The following LEMD1 variants were observed in gnomAD, a reference collection of about 807,000 sequenced individuals.
LEMD1 encodes LEM domain containing 1, also known as LEM domain-containing protein 1.
In LEMD1, 18 loss-of-function variants were observed where a neutral mutation model predicts 17.4. That is an observed-to-expected ratio of 1.04 (90% CI 0.72 to 1.54). The LOEUF (loss-of-function observed/expected upper bound fraction) is 1.54, where lower values mean the gene tolerates loss of function less well. Ranked by LOEUF, LEMD1 falls within the 40% of genes most tolerant of loss-of-function variation. The pLI is 0.00. For synonymous variants in LEMD1, 88 were observed against 77.8 expected, an observed-to-expected ratio of 1.13 and a Z score of -0.69; for missense variants, 195 against 210.4, an observed-to-expected ratio of 0.93 and a Z score of 0.45.
chr1:205,415,135 T>C (rs1665632852), intron 4 of LEMD1, among the ~76,000 whole-genome samples: 1 of 152,128 alleles, frequency 6.6e-6, no homozygotes, highest in South Asian at 2.1e-4. Context: ...ATGTGCATGG[T>C]CATTCCTGGA....
At chr1:205,409,929 C>T (rs1390423323) in intron 4 of LEMD1, among the ~76,000 whole-genome samples, 5 of 151,982 alleles carry the variant, frequency 3.3e-5, no homozygotes, top group East Asian at 3.9e-4. Context: ...TGCACCACCA[C>T]GCCCAGCTAA....
At chr1:205,440,596 C>T (rs1166122861) in intron 1 of LEMD1, 1 of 152,326 alleles carries the variant, frequency 6.6e-6, no homozygotes, top group Non-Finnish European at 1.5e-5. Context: ...CCCCGAAGCT[C>T]TCAGGGCAGG....
chr1:205,388,342 C>T (rs1664145168), intron 4 of LEMD1, among the ~76,000 whole-genome samples: 2 of 151,962 alleles, frequency 1.3e-5, no homozygotes, highest in Admixed American at 6.6e-5. Flanking sequence ...GGATTACAGG[C>T]GCGAGCCACA....
At chr1:205,413,655 A>AT (rs35717344) in intron 4 of LEMD1, among the ~76,000 whole-genome samples, 4,644 of 78,694 alleles carry the variant, frequency 0.059, 211 homozygotes, top group African/African-American at 0.17. Context: ...ATAAAATGCC[A>AT]TTTTTTTTTT....
Position 205,419,312 on chromosome 1 carries a change from C to T in LEMD1, c.123G>A (p.Leu41=), listed in dbSNP as rs1421762589. Residue 41 remains leucine, a synonymous_variant, in exon 3 of 6, where the codon TTG becomes TTA. Transcript: ENST00000367153. The part of the protein sequence containing the change: ...RKLYEKKLVQ[L]LVSPPCAPPV... ...GTGGTGCACAGGGAGGTGAGACCAA[C>T]AACTGTACTAACTTTTTTTCATACA... 1.9e-6 allele frequency: 3 copies of T among 1,614,222 alleles called. No homozygotes were observed. Among genetic ancestry groups the T allele is most frequent in the Non-Finnish European group, 2.5e-6 (3 of 1,180,010 alleles).
At chr1:205,427,340 T>G (rs575121335) in intron 1 of LEMD1, among the ~76,000 whole-genome samples, 4 of 152,076 alleles carry the variant, frequency 2.6e-5, no homozygotes, top group African/African-American at 4.8e-5. Flanking sequence ...TTCTTGCTGA[T>G]GAGGGGACAT....
At chr1:205,438,974 G>A (rs2102462329) in intron 1 of LEMD1, among the ~76,000 whole-genome samples, 1 of 152,330 alleles carries the variant, frequency 6.6e-6, no homozygotes, top group East Asian at 1.9e-4. Context: ...TCCTCCTGGT[G>A]AGCCTGTGTG....
chr1:205,405,897 C>T (rs9661128), intron 4 of LEMD1, among the ~76,000 whole-genome samples: 1 of 151,370 alleles, frequency 6.6e-6, no homozygotes, highest in South Asian at 2.1e-4. Flanking sequence ...GATGTCCTTT[C>T]TGTTTGTTAG....
At chr1:205,429,389 G>A (rs1666097030) in intron 1 of LEMD1, among the ~76,000 whole-genome samples, 1 of 152,166 alleles carries the variant, frequency 6.6e-6, no homozygotes, top group Admixed American at 6.5e-5. Flanking sequence ...CAATGTCTCA[G>A]GACATTTTGT....
chr1:205,390,700 A>T (rs1406487048), intron 4 of LEMD1, among the ~76,000 whole-genome samples: 1 of 152,264 alleles, frequency 6.6e-6, no homozygotes, highest in Non-Finnish European at 1.5e-5. Context: ...GTAACAATTT[A>T]AAATATGCTT....
At chr1:205,449,176 T>A (rs996078181) in intron 1 of LEMD1, among the ~76,000 whole-genome samples, 1 of 152,160 alleles carries the variant, frequency 6.6e-6, no homozygotes, top group African/African-American at 2.4e-5. Flanking sequence ...ACATGGGGGT[T>A]AGCACAGACA....
chr1:205,416,230 A>G lies in LEMD1; in HGVS notation c.270+2T>C. On this transcript the variant is annotated splice_donor_variant, in intron 4 of 5. Coordinates refer to ENST00000367153, the MANE Select transcript of LEMD1 (RefSeq NM_001199050.2). LOFTEE classifies it high-confidence loss of function. ...GTATTCAGGCATTAGAATGGTACAT[A>G]CTTTTTTGAGTTTCTTGCTTTTTTC... 22 of 1,529,436 alleles carry G rather than the reference A, an allele frequency of 1.4e-5. No individual in the cohort carries two copies. Among genetic ancestry groups the G allele is most frequent in the Non-Finnish European group, 1.9e-5 (21 of 1,128,142 alleles). The allele number at this position is 1,529,436 out of a possible 1,614,324, so 94.7% of individuals were successfully genotyped here.
At chr1:205,382,070 C>T in intron 5 of LEMD1, 2 of 562,866 alleles carry the variant, frequency 3.6e-6, no homozygotes, top group Non-Finnish European at 6.3e-6. Context: ...GGTACAATCA[C>T]AGCTCACTGC....
intron 1 of LEMD1, among the ~76,000 whole-genome samples, chr1:205,421,683 A>G (rs1328816350): frequency 6.6e-6 from 1 of 152,188 alleles, no homozygotes; most frequent in African/African-American, 2.4e-5. Context: ...CTCCTTTTCT[A>G]TGTGTTTGGG....
At chr1:205,387,666 G>A (rs570009829) in intron 4 of LEMD1, among the ~76,000 whole-genome samples, 1 of 152,300 alleles carries the variant, frequency 6.6e-6, no homozygotes, top group South Asian at 2.1e-4. Flanking sequence ...GGCTGTTTTA[G>A]CAAAGCATTT....
In LEMD1 at chr1:205,381,490, T is replaced by A; in HGVS notation, c.*168A>T. On this transcript the variant is annotated 3_prime_UTR_variant, in exon 6 of 6. Transcript: ENST00000367153. ...AACACAGGTGCCTGGTTAGGCAGGT[T>A]CCTTCCACCTGGCTGAGCCCAGACA... 1.5e-6 allele frequency: 1 copy of A among 659,876 alleles called. No individual in the cohort carries two copies. Among genetic ancestry groups the A allele is most frequent in the Non-Finnish European group, 2.6e-6 (1 of 377,480 alleles). 40.9% of individuals were successfully genotyped at this position (659,876 alleles called of 1,614,324 possible).
At chr1:205,438,668 C>T (rs1666246250) in intron 1 of LEMD1, among the ~76,000 whole-genome samples, 1 of 152,190 alleles carries the variant, frequency 6.6e-6, no homozygotes, top group African/African-American at 2.4e-5. Context: ...AGTGCTGGCC[C>T]CAACCTCAGC....
intron 1 of LEMD1, among the ~76,000 whole-genome samples, chr1:205,430,545 T>C (rs1242604487): frequency 2.0e-5 from 3 of 152,090 alleles, no homozygotes; most frequent in Non-Finnish European, 2.9e-5. Flanking sequence ...GGATGCGTGG[T>C]TCCCATGAGA....
chr1:205,446,817 C>T (rs1262872982), intron 1 of LEMD1, among the ~76,000 whole-genome samples: 1 of 152,194 alleles, frequency 6.6e-6, no homozygotes, highest in Non-Finnish European at 1.5e-5. Context: ...ATTCTCATGC[C>T]TTGTTCCTTT....
Sources: allele counts gnomAD v4.1 joint callset (sites outside exome capture counted in the v4.1 genomes callset), GRCh38; gene constraint gnomAD v4.1.1; transcripts MANE v1.5; gene names NCBI Gene and HGNC (gene_info 2026-07-23, HGNC 2026-07-21).